TMEM223: variants seen among roughly 807,000 people sequenced by gnomAD.
TMEM223 encodes the protein transmembrane protein 223.
In TMEM223, 14 loss-of-function variants were observed where a neutral mutation model predicts 14.1. That is an observed-to-expected ratio of 0.99 (90% CI 0.66 to 1.55). The LOEUF is 1.55. TMEM223 is among the 40% of genes most tolerant of loss of function. TMEM223 has a pLI of 0.00. For missense variants in TMEM223, 346 were observed against 269.9 expected, an observed-to-expected ratio of 1.28 and a Z score of -1.97; for synonymous variants, 145 against 120.5, an observed-to-expected ratio of 1.20 and a Z score of -1.33.
chr11:62,781,252 G>A (rs1365514087), intron 1 of TMEM223, among the ~76,000 whole-genome samples: 2 of 149,094 alleles, frequency 1.3e-5, no homozygotes, highest in African/African-American at 2.5e-5. Context: ...AAAAAAAAAA[G>A]AAAAAGAAAC....
intron 1 of TMEM223, among the ~76,000 whole-genome samples, chr11:62,780,601 G>A (rs559394550): frequency 2.6e-5 from 4 of 152,096 alleles, no homozygotes; most frequent in Admixed American, 2.0e-4. Flanking sequence ...ACTAGTACAT[G>A]TTTACTGTAG....
chr11:62,775,883 G>A (rs144181281), intron 1 of TMEM223: 45 of 1,613,876 alleles, frequency 2.8e-5, no homozygotes, highest in Non-Finnish European at 3.8e-5. Flanking sequence ...TGAGGTGGCG[G>A]CGCTGCTCGC....
chr11:62,782,297 G>A, intron 1 of TMEM223: 3 of 1,614,088 alleles, frequency 1.9e-6, no homozygotes, highest in Non-Finnish European at 2.5e-6. Context: ...TGGACTCTGC[G>A]GGATGGGGCT....
chr11:62,786,219 T>C (rs372851701), downstream of TMEM223: 11 of 1,589,638 alleles, frequency 6.9e-6, no homozygotes, highest in Non-Finnish European at 9.5e-6. Context: ...AGGGAATAAG[T>C]ATCAAAGACA....
intron 1 of TMEM223, chr11:62,776,417 C>T (rs756371641): frequency 6.2e-6 from 10 of 1,613,614 alleles, no homozygotes; most frequent in East Asian, 4.5e-5. Flanking sequence ...CACCAAACGC[C>T]GGAAGCTGAC....
intron 1 of TMEM223, among the ~76,000 whole-genome samples, chr11:62,781,432 G>T (rs1261683797): frequency 6.6e-6 from 1 of 152,096 alleles, no homozygotes; most frequent in Admixed American, 6.6e-5. Flanking sequence ...CCAGCACTTT[G>T]GGAGGCTGAG....
chr11:62,785,594 G>T (rs1318211288), downstream of TMEM223, among the ~76,000 whole-genome samples: 2 of 151,268 alleles, frequency 1.3e-5, no homozygotes, highest in Non-Finnish European at 2.9e-5. Flanking sequence ...GAGTGCGGTG[G>T]TGTGATCTCG....
chr11:62,787,197 G>C (rs932083356), downstream of TMEM223: 1 of 1,587,868 alleles, frequency 6.3e-7, no homozygotes, highest in Non-Finnish European at 8.5e-7. Context: ...GGCCTAGCCC[G>C]GCCTCGCGCT....
chr11:62,788,956 C>T (rs2084324719), downstream of TMEM223: 1 of 1,503,246 alleles, frequency 6.7e-7, no homozygotes, highest in Non-Finnish European at 9.0e-7. Flanking sequence ...ATCACTAACA[C>T]CCTACCAAGA....
chr11:62,775,079 AAG>A (rs1491546499), intron 1 of TMEM223, among the ~76,000 whole-genome samples: 1 of 151,544 alleles, frequency 6.6e-6, no homozygotes, highest in Non-Finnish European at 1.5e-5. Context: ...AAAAAAAAAA[AAG>A]AAAAGACTGG....
At position 62,791,618 on chromosome 11, in the gene TMEM223, T is replaced by C. The variant is rs530059950; in HGVS notation, c.316+61A>G. On this transcript the variant is annotated intron_variant, in intron 1 of 1. Transcript: ENST00000307366. ...GAGTCCCTGACTCTCCCTGCCTGTA[T>C]AGGGAAGGTCGTGTCCCGCCACCCC... The C allele has an allele frequency of 3.4e-6, 5 of 1,459,476 alleles. No homozygotes were observed. The South Asian group carries it at 4.1e-5, about 12-fold the overall frequency. 90.4% of individuals were successfully genotyped at this position (1,459,476 alleles called of 1,614,324 possible).
intron 1 of TMEM223, among the ~76,000 whole-genome samples, chr11:62,780,796 G>C (rs1053784162): frequency 1.3e-5 from 2 of 151,020 alleles, no homozygotes; most frequent in Non-Finnish European, 2.9e-5. Context: ...AATTAGCCGG[G>C]CTTGGTGGCA....
chr11:62,787,012 C>A, downstream of TMEM223: 1 of 1,487,362 alleles, frequency 6.7e-7, no homozygotes, highest in Admixed American at 2.3e-5. Flanking sequence ...GCGCGTGCAT[C>A]GGGCGCGCGG....
intron 2 of TMEM223, chr11:62,774,493 C>G: frequency 2.3e-6 from 1 of 439,652 alleles, no homozygotes; most frequent in Non-Finnish European, 4.6e-6. Flanking sequence ...CCATTGATCC[C>G]CTGCCAGAGG....
chr11:62,787,236 T>C, downstream of TMEM223: 1 of 1,570,952 alleles, frequency 6.4e-7, no homozygotes, highest in Middle Eastern at 1.7e-4. Context: ...TGATCGGCCG[T>C]ACCAGCCGCC....
chr11:62,774,221 C>T (rs185526364), intron 2 of TMEM223, among the ~76,000 whole-genome samples: 7 of 152,174 alleles, frequency 4.6e-5, no homozygotes, highest in Non-Finnish European at 8.8e-5. Flanking sequence ...GGACTACAGG[C>T]GCCCGCCACC....
downstream of TMEM223, among the ~76,000 whole-genome samples, chr11:62,784,019 C>G (rs934815561): frequency 5.9e-4 from 1 of 1,684 alleles, no homozygotes; most frequent in African/African-American, 2.0e-3. Context: ...GACAGAGTCT[C>G]ACACTGTCGC....
Position 62,791,051 on chromosome 11 carries a change from C to T in TMEM223, c.317-136G>A, listed in dbSNP as rs1031822175. 3.3e-6 allele frequency: 3 copies of T among 902,476 alleles called. No individual in the cohort carries two copies. The African/African-American group carries it at 5.1e-5, about 15-fold the overall frequency. The allele number at this position is 902,476 out of a possible 1,614,324, so 55.9% of individuals were successfully genotyped here. On this transcript the variant is annotated intron_variant, in intron 1 of 1. Transcript: ENST00000307366. ...AGCGCTTTTTTTTTTGAGACTGAGTCTCACTCTGCCGGCCAGGCTGGAGTG... is the reference window on the plus strand; with the variant it reads ...AGCGCTTTTTTTTTTGAGACTGAGTTTCACTCTGCCGGCCAGGCTGGAGTG...
downstream of TMEM223, chr11:62,789,644 G>T (rs2084334914): frequency 6.5e-7 from 1 of 1,549,672 alleles, no homozygotes; most frequent in African/African-American, 1.4e-5. Context: ...CCCTGGAACT[G>T]CTCTGCAGTT....
Sources: allele counts gnomAD v4.1 joint callset (sites outside exome capture counted in the v4.1 genomes callset), GRCh38; gene constraint gnomAD v4.1.1; transcripts MANE v1.5; gene names NCBI Gene and HGNC (gene_info 2026-07-23, HGNC 2026-07-21).